COL22A1: variants seen among roughly 807,000 people sequenced by gnomAD.
COL22A1 encodes collagen type XXII alpha 1 chain, also known as collagen alpha-1(XXII) chain.
A neutral mutation model predicts 248.9 loss-of-function variants in COL22A1; 221 were observed. The ratio of observed to expected loss-of-function variants is 0.89; its 90% confidence interval spans 0.80 to 0.99. The LOEUF is 0.99. COL22A1 is among the 50% of genes least tolerant of loss of function. COL22A1 has a pLI of 0.00. For synonymous variants in COL22A1, 891 were observed against 793.4 expected, an observed-to-expected ratio of 1.12 and a Z score of -2.07; for missense variants, 2,240 against 2,179.0, an observed-to-expected ratio of 1.03 and a Z score of -0.56.
intron 25 of COL22A1, among the ~76,000 whole-genome samples, chr8:138,722,713 C>T (rs1433462643): frequency 6.6e-6 from 1 of 152,114 alleles, no homozygotes; most frequent in African/African-American, 2.4e-5. Context: ...CTGAGTGACT[C>T]ACTCAAGGTC....
At chr8:138,590,921 G>C (rs1816985346) in intron 64 of COL22A1, among the ~76,000 whole-genome samples, 4 of 152,164 alleles carry the variant, frequency 2.6e-5, no homozygotes, top group Admixed American at 2.6e-4. Flanking sequence ...CCCTACCACT[G>C]GGTGAGCATT....
intron 45 of COL22A1, among the ~76,000 whole-genome samples, chr8:138,653,537 G>T (rs1171695808): frequency 6.6e-6 from 1 of 152,172 alleles, no homozygotes; most frequent in African/African-American, 2.4e-5. Context: ...TCACAGGATT[G>T]TTTTTGAGGA....
At chr8:138,749,870 G>C (rs1832445538) in intron 22 of COL22A1, among the ~76,000 whole-genome samples, 2 of 152,164 alleles carry the variant, frequency 1.3e-5, no homozygotes. Context: ...TGCTGAATGG[G>C]AAGTGGGGGC....
At chr8:138,829,777 AT>A (rs200026556) in intron 5 of COL22A1, among the ~76,000 whole-genome samples, 3 of 151,912 alleles carry the variant, frequency 2.0e-5, no homozygotes, top group South Asian at 2.1e-4. Flanking sequence ...CAATTATGCT[AT>A]TTTTTTTCCC....
intron 22 of COL22A1, 48 bp from the exon 23 acceptor site, chr8:138,737,625 C>G (rs748888785): frequency 1.6e-6 from 2 of 1,275,384 alleles, no homozygotes; most frequent in African/African-American, 2.9e-5. Flanking sequence ...CAATTGTCAA[C>G]CAGAGGGGGT....
intron 31 of COL22A1, among the ~76,000 whole-genome samples, chr8:138,702,998 C>T (rs4997843): frequency 0.71 from 108,494 of 152,110 alleles, 38,755 homozygotes; most frequent in East Asian, 0.79. Flanking sequence ...TGCAGTCTTA[C>T]GCTGGGCAAA....
At chr8:138,909,796 T>A (rs1384066752) in intron 1 of COL22A1, among the ~76,000 whole-genome samples, 2 of 152,170 alleles carry the variant, frequency 1.3e-5, no homozygotes, top group Admixed American at 1.3e-4. Flanking sequence ...TCTCTGGGTA[T>A]CTGCCAGGAC....
At chr8:138,896,347 G>A (rs1825412031) in intron 1 of COL22A1, among the ~76,000 whole-genome samples, 2 of 152,118 alleles carry the variant, frequency 1.3e-5, no homozygotes, top group African/African-American at 2.4e-5. Flanking sequence ...TATTTTAAAA[G>A]GGGAAGGGTA....
At chr8:138,728,210 T>G (rs144290761) in intron 23 of COL22A1, among the ~76,000 whole-genome samples, 1 of 151,968 alleles carries the variant, frequency 6.6e-6, no homozygotes, top group Non-Finnish European at 1.5e-5. Context: ...ATGATTTTTT[T>G]GTAGAAACAG....
At chr8:138,827,550 T>C (rs1819691864) in intron 5 of COL22A1, among the ~76,000 whole-genome samples, 1 of 152,010 alleles carries the variant, frequency 6.6e-6, no homozygotes, top group African/African-American at 2.4e-5. Flanking sequence ...GCACATCCTC[T>C]TCTCTCCCAC....
At chr8:138,656,640 G>A (rs540003584) in intron 44 of COL22A1, among the ~76,000 whole-genome samples, 5 of 152,108 alleles carry the variant, frequency 3.3e-5, no homozygotes, top group African/African-American at 9.6e-5. Context: ...TTGGGTGCAA[G>A]GAACATAAGG....
intron 23 of COL22A1, among the ~76,000 whole-genome samples, chr8:138,729,659 G>A (rs2131202371): frequency 6.6e-6 from 1 of 152,278 alleles, no homozygotes; most frequent in African/African-American, 2.4e-5. Flanking sequence ...CAATTTACAG[G>A]GGACGTGCTC....
intron 31 of COL22A1, among the ~76,000 whole-genome samples, chr8:138,700,988 C>CAA (rs5895554): frequency 0.14 from 7,370 of 51,794 alleles, 944 homozygotes; most frequent in East Asian, 0.2. Flanking sequence ...GACTCCGTCT[C>CAA]AAAAAAAAAA....
At chr8:138,863,650 G>A (rs544675290) in intron 3 of COL22A1, among the ~76,000 whole-genome samples, 12 of 152,258 alleles carry the variant, frequency 7.9e-5, no homozygotes, top group Non-Finnish European at 1.2e-4. Context: ...AAGTGGGTGC[G>A]GGGAGCCTGC....
chr8:138,705,251 G>A (rs1828326623), intron 30 of COL22A1, among the ~76,000 whole-genome samples: 1 of 152,158 alleles, frequency 6.6e-6, no homozygotes, highest in East Asian at 1.9e-4. Flanking sequence ...AGCGAGGCAG[G>A]CCAACGTTCA....
At chr8:138,728,576 G>A (rs10096974) in intron 23 of COL22A1, among the ~76,000 whole-genome samples, 13,949 of 151,772 alleles carry the variant, frequency 0.092, 974 homozygotes, top group African/African-American at 0.2. Context: ...TTCCTCCTTT[G>A]CCCCTTGCGA....
At chr8:138,686,669 G>A (rs943893647) in intron 37 of COL22A1, among the ~76,000 whole-genome samples, 9 of 152,148 alleles carry the variant, frequency 5.9e-5, no homozygotes, top group Non-Finnish European at 5.9e-5. Context: ...CCTCTGCTCA[G>A]CCAAGGAAAG....
chr8:138,751,548 A>C (rs1384478307), intron 21 of COL22A1, 37 bp from the exon 22 acceptor site: 3 of 1,463,306 alleles, frequency 2.1e-6, no homozygotes, highest in Non-Finnish European at 1.9e-6. Context: ...AGAGAGAAAC[A>C]TAATGGTAAA....
In COL22A1 at chr8:138,598,649, C is replaced by A. The variant is rs1817743440; in HGVS notation, c.4365+70G>T. 6.2e-6 allele frequency: 9 copies of A among 1,453,594 alleles called. No individual in the cohort carries two copies. The East Asian group carries it at 1.6e-4, about 26-fold the overall frequency. The allele number at this position is 1,453,594 out of a possible 1,614,324, so 90.0% of individuals were successfully genotyped here. A position where few individuals can be genotyped will look rare whatever the true frequency, so the allele number is the denominator to read the frequency against. On this transcript the variant is annotated intron_variant, in intron 61 of 64. Transcript: ENST00000303045. Reference sequence around the variant, plus strand: ...ATCTGTAAACTGGTGCCTCTGAAGTCCACACACTTCCCTGGCTCCCCCTTA... The same window carrying A: ...ATCTGTAAACTGGTGCCTCTGAAGTACACACACTTCCCTGGCTCCCCCTTA...
Sources: allele counts gnomAD v4.1 joint callset (sites outside exome capture counted in the v4.1 genomes callset), GRCh38; gene constraint gnomAD v4.1.1; transcripts MANE v1.5; gene names NCBI Gene and HGNC (gene_info 2026-07-23, HGNC 2026-07-21).